IL1RAPL1: variants seen among roughly 807,000 people sequenced by gnomAD.
IL1RAPL1 encodes the protein interleukin-1 receptor accessory protein-like 1.
Under a neutral mutation model 48.4 loss-of-function variants are expected in IL1RAPL1, and 3 were observed. The observed-to-expected ratio is 0.06, with a 90% CI of 0.03 to 0.16. The LOEUF (loss-of-function observed/expected upper bound fraction) is 0.16, where lower values mean the gene tolerates loss of function less well. Ranked by LOEUF, IL1RAPL1 falls within the 10% of genes least tolerant of loss-of-function variation. The probability of loss-of-function intolerance (pLI) is 1.00; values close to 1 mark genes in which losing one functional copy is unlikely to be tolerated. For synonymous variants in IL1RAPL1, 185 were observed against 187.7 expected (o/e 0.99, Z 0.12); for missense variants, 349 against 530.6 (o/e 0.66, Z 3.36).
intron 2 of IL1RAPL1, among the ~76,000 whole-genome samples, chrX:28,800,544 C>T (rs1175919239): frequency 9.0e-6 from 1 of 111,372 alleles, no homozygotes; most frequent in East Asian, 2.8e-4. Flanking sequence ...CCTGAAGAGG[C>T]TGGCAGAGAA....
At chrX:29,687,558 A>G (rs943827187) in intron 6 of IL1RAPL1, among the ~76,000 whole-genome samples, 1 of 111,800 alleles carries the variant, frequency 8.9e-6, no homozygotes, top group Non-Finnish European at 1.9e-5. Context: ...AGCTATAGTT[A>G]GATTGAAGGA....
At chrX:29,401,895 C>CT (rs1295713081) in intron 5 of IL1RAPL1, among the ~76,000 whole-genome samples, 32 of 104,854 alleles carry the variant, frequency 3.1e-4, no homozygotes, top group Admixed American at 8.2e-4. Flanking sequence ...TTTTAAACAT[C>CT]TTTTTTTTTT....
At chrX:28,619,368 G>C (rs1455672104) in intron 1 of IL1RAPL1, among the ~76,000 whole-genome samples, 1 of 110,297 alleles carries the variant, frequency 9.1e-6, no homozygotes, top group African/African-American at 3.3e-5. Flanking sequence ...GCCGAGACGA[G>C]TGGATCGCTT....
intron 2 of IL1RAPL1, among the ~76,000 whole-genome samples, chrX:29,005,480 T>C (rs890449992): frequency 8.9e-6 from 1 of 112,032 alleles, no homozygotes. Flanking sequence ...AATGAGTATA[T>C]TTTCCTTCAA....
chrX:29,017,112 A>G lies in IL1RAPL1; in HGVS notation c.82+227687A>G, dbSNP rs1172327471. On this transcript the variant is annotated intron_variant, in intron 2 of 10. Transcript: ENST00000378993. ...ACTTCTGTAACACTGACTAGATTAT[A>G]TGATTCGACGTGAATCTGTTAGAAG... Among the ~76,000 whole-genome samples the G allele has an allele frequency of 5.3e-5, 6 of 112,364 alleles. No homozygotes were observed. In the Admixed American group the frequency reaches 5.7e-4, roughly 11 times the overall value.
Position 29,202,301 on chromosome X carries a change from C to G in IL1RAPL1, c.83-80637C>G, listed in dbSNP as rs145167762. 7.2e-3 allele frequency among the ~76,000 whole-genome samples: 802 copies of G among 111,569 alleles called. 6 individuals are homozygous for G. The highest frequency in any genetic ancestry group is 0.025 in the African/African-American group (773 of 30,708). On this transcript the variant is annotated intron_variant, in intron 2 of 10. Transcript: ENST00000378993. ...TCATTAGGGGAATGCAAATCAAAATCACAATGAGATACCATCTCACATCAG... is the reference window on the plus strand; with the variant it reads ...TCATTAGGGGAATGCAAATCAAAATGACAATGAGATACCATCTCACATCAG...
At chrX:29,116,574 G>A (rs1928681985) in intron 2 of IL1RAPL1, among the ~76,000 whole-genome samples, 1 of 111,756 alleles carries the variant, frequency 8.9e-6, no homozygotes, top group African/African-American at 3.2e-5. Context: ...TCAGAGAAAA[G>A]AGCTGCTTTC....
chrX:29,887,215 C>T (rs1840364960), intron 6 of IL1RAPL1, among the ~76,000 whole-genome samples: 1 of 112,081 alleles, frequency 8.9e-6, no homozygotes, highest in Non-Finnish European at 1.9e-5. Flanking sequence ...AGTAAAATCG[C>T]CACAGATTGT....
intron 5 of IL1RAPL1, among the ~76,000 whole-genome samples, chrX:29,585,858 G>T (rs893993379): frequency 1.8e-5 from 2 of 108,432 alleles, no homozygotes; most frequent in Admixed American, 9.8e-5. Flanking sequence ...TTAAAAATTA[G>T]ATTACTAGTG....
At chrX:29,370,886 CAT>C (rs919162464) in intron 3 of IL1RAPL1, among the ~76,000 whole-genome samples, 20 of 109,348 alleles carry the variant, frequency 1.8e-4, no homozygotes, top group African/African-American at 5.0e-4. Context: ...TTATTTGACA[CAT>C]ATTAATTTTA....
chrX:28,914,869 T>C (rs1256730014), intron 2 of IL1RAPL1, among the ~76,000 whole-genome samples: 1 of 112,393 alleles, frequency 8.9e-6, no homozygotes, highest in Non-Finnish European at 1.9e-5. Flanking sequence ...GGATATTATT[T>C]GTTTCTTCTT....
chrX:29,329,346 G>A (rs1932865863), intron 3 of IL1RAPL1, among the ~76,000 whole-genome samples: 1 of 110,840 alleles, frequency 9.0e-6, no homozygotes, highest in African/African-American at 3.3e-5. Flanking sequence ...TCCACTCTTA[G>A]GTATATACCC....
At chrX:29,037,371 T>C (rs1423719629) in intron 2 of IL1RAPL1, among the ~76,000 whole-genome samples, 5 of 111,905 alleles carry the variant, frequency 4.5e-5, no homozygotes, top group Non-Finnish European at 9.4e-5. Context: ...TCAAAGTTAG[T>C]TCCTAGATAG....
At chrX:28,969,951 A>G (rs1176953426) in intron 2 of IL1RAPL1, among the ~76,000 whole-genome samples, 1 of 110,970 alleles carries the variant, frequency 9.0e-6, no homozygotes, top group East Asian at 2.8e-4. Context: ...CTAAACACAT[A>G]TATATGTTTC....
At chrX:28,961,020 A>AAAAAC (rs1924760396) in intron 2 of IL1RAPL1, among the ~76,000 whole-genome samples, 1 of 107,683 alleles carries the variant, frequency 9.3e-6, no homozygotes, top group Non-Finnish European at 1.9e-5. Flanking sequence ...AAAAAAAAAA[A>AAAAAC]AAAAAAAAAA....
intron 2 of IL1RAPL1, among the ~76,000 whole-genome samples, chrX:29,263,432 C>G (rs1198138104): frequency 8.9e-6 from 1 of 111,874 alleles, no homozygotes; most frequent in Non-Finnish European, 1.9e-5. Flanking sequence ...AACATAATTG[C>G]CAGTAAAGAT....
chrX:29,452,517 A>T lies in IL1RAPL1; in HGVS notation c.703+53209A>T, dbSNP rs1934690733. ...TTGTGACTTATCAGTTCCAGAAATT[A>T]TACCTAGCAATACAGAAAATGATAT... On this transcript the variant is annotated intron_variant, in intron 5 of 10. Transcript: ENST00000378993. 3.6e-5 allele frequency among the ~76,000 whole-genome samples: 4 copies of T among 112,013 alleles called. No individual in the cohort carries two copies. The South Asian group carries it at 1.5e-3, about 42-fold the overall frequency.
chrX:29,519,649 G>A (rs1297769919), intron 5 of IL1RAPL1, among the ~76,000 whole-genome samples: 1 of 111,912 alleles, frequency 8.9e-6, no homozygotes, highest in Non-Finnish European at 1.9e-5. Flanking sequence ...ATCTGGGTGT[G>A]ACAGTTTTTT....
intron 2 of IL1RAPL1, among the ~76,000 whole-genome samples, chrX:29,104,112 C>A (rs1569237658): frequency 9.0e-6 from 1 of 111,590 alleles, no homozygotes; most frequent in Non-Finnish European, 1.9e-5. Context: ...CTTGCCAGCC[C>A]CCTGCAAGGT....
Sources: allele counts gnomAD v4.1 joint callset (sites outside exome capture counted in the v4.1 genomes callset), GRCh38; gene constraint gnomAD v4.1.1; transcripts MANE v1.5; gene names NCBI Gene and HGNC (gene_info 2026-07-23, HGNC 2026-07-21).